Variants in IQSEC1 observed in about 807,000 individuals in gnomAD.
IQSEC1 encodes the protein IQ motif and Sec7 domain ArfGEF 1.
Under a neutral mutation model 91.0 loss-of-function variants are expected in IQSEC1, and 31 were observed. The observed-to-expected ratio is 0.34, with a 90% CI of 0.26 to 0.46. IQSEC1 has a LOEUF of 0.46. Among genes scored for constraint, IQSEC1 ranks in the 20% least tolerant of loss-of-function variants. The pLI is 1.00. For missense variants in IQSEC1, 1,388 were observed against 1,575.6 expected, an observed-to-expected ratio of 0.88 and a Z score of 2.02; for synonymous variants, 699 against 662.6, an observed-to-expected ratio of 1.05 and a Z score of -0.84.
intron 1 of IQSEC1, among the ~76,000 whole-genome samples, chr3:13,182,018 G>A (rs1693852204): frequency 1.3e-5 from 2 of 152,220 alleles, no homozygotes; most frequent in Admixed American, 6.5e-5. Context: ...TTTAGTGAAT[G>A]TATTTCTCTC....
At chr3:13,146,570 T>G (rs1339711697) in intron 2 of IQSEC1, among the ~76,000 whole-genome samples, 2 of 152,198 alleles carry the variant, frequency 1.3e-5, no homozygotes, top group Non-Finnish European at 2.9e-5. Context: ...CAGGGCGCAG[T>G]GGCTCATGCC....
At position 12,897,445 on chromosome 3, in the gene IQSEC1, C is replaced by T. The variant is rs1055997782; in HGVS notation, c.*3538G>A. 1.3e-5 allele frequency: 2 copies of T among 152,158 alleles called. No homozygotes were observed. Among genetic ancestry groups the T allele is most frequent in the East Asian group, 1.9e-4 (1 of 5,204 alleles). 9.4% of individuals were successfully genotyped at this position (152,158 alleles called of 1,614,324 possible). ...CTGATTCTAATTGCTTAAAACAACT[C>T]GGAGGCAAAAGATATTTTCCAAGAG... On this transcript the variant is annotated 3_prime_UTR_variant, in exon 14 of 14. Transcript: ENST00000613206.
At chr3:13,119,698 G>A (rs1362032841) in intron 2 of IQSEC1, among the ~76,000 whole-genome samples, 1 of 152,254 alleles carries the variant, frequency 6.6e-6, no homozygotes, top group African/African-American at 2.4e-5. Context: ...AAGGCAGCCT[G>A]GCTGCACGTG....
chr3:13,091,149 GA>G (rs1705853943), intron 2 of IQSEC1, among the ~76,000 whole-genome samples: 2 of 152,112 alleles, frequency 1.3e-5, no homozygotes, highest in African/African-American at 4.8e-5. Flanking sequence ...CTCTCTCAGG[GA>G]GGGCTCCTGC....
At chr3:12,962,815 G>A (rs750146458) in intron 1 of IQSEC1, among the ~76,000 whole-genome samples, 3 of 152,204 alleles carry the variant, frequency 2.0e-5, no homozygotes, top group Admixed American at 6.5e-5. Flanking sequence ...TGGGTTCTGT[G>A]GGGAAAGAGA....
intron 1 of IQSEC1, among the ~76,000 whole-genome samples, chr3:13,169,264 C>T (rs1335884400): frequency 6.6e-6 from 1 of 152,210 alleles, no homozygotes; most frequent in African/African-American, 2.4e-5. Flanking sequence ...CCTGCACAAG[C>T]TCTGTCTTTG....
chr3:12,900,118 A>ATAAC lies in IQSEC1; in HGVS notation c.*861_*864dup. ...CAGTTTAGCTATTTGCTTACCTGAA[A>ATAAC]TAACAGCATTATAATACTATTTATG... On this transcript the variant is annotated 3_prime_UTR_variant, in exon 14 of 14. Coordinates refer to ENST00000613206, the MANE Select transcript of IQSEC1 (RefSeq NM_001134382.3). 1 of 976,132 alleles carries ATAAC rather than the reference A, an allele frequency of 1.0e-6. No homozygotes were observed. The highest frequency in any genetic ancestry group is 1.2e-6 in the Non-Finnish European group (1 of 821,526). 60.5% of individuals were successfully genotyped at this position (976,132 alleles called of 1,614,324 possible). A position where few individuals can be genotyped will look rare whatever the true frequency, so the allele number is the denominator to read the frequency against.
At chr3:13,202,772 A>G (rs1289609881) in intron 1 of IQSEC1, among the ~76,000 whole-genome samples, 1 of 152,202 alleles carries the variant, frequency 6.6e-6, no homozygotes. Flanking sequence ...GATGGTTACG[A>G]TGGTCAATTT....
chr3:12,980,566 C>T (rs903578399), intron 1 of IQSEC1, among the ~76,000 whole-genome samples: 18 of 152,230 alleles, frequency 1.2e-4, no homozygotes, highest in African/African-American at 4.3e-4. Context: ...AAACACACAA[C>T]AATTTGTTCA....
intron 1 of IQSEC1, among the ~76,000 whole-genome samples, chr3:13,247,423 T>C (rs898827024): frequency 1.3e-5 from 2 of 152,216 alleles, no homozygotes; most frequent in African/African-American, 4.8e-5. Flanking sequence ...CCTGGATGAA[T>C]GTTGCGGCTG....
chr3:13,268,642 A>C (rs796200288), intron 1 of IQSEC1, among the ~76,000 whole-genome samples: 2 of 152,368 alleles, frequency 1.3e-5, no homozygotes, highest in African/African-American at 4.8e-5. Flanking sequence ...GGAGGAAATT[A>C]AATAATAAGT....
At chr3:13,063,526 G>A (rs1705139280) in intron 1 of IQSEC1, among the ~76,000 whole-genome samples, 1 of 152,170 alleles carries the variant, frequency 6.6e-6, no homozygotes, top group Admixed American at 6.5e-5. Flanking sequence ...GGGCTGTTCT[G>A]CAAGCCCAGG....
At chr3:12,931,521 G>A (rs1697674865) in intron 3 of IQSEC1, among the ~76,000 whole-genome samples, 1 of 152,234 alleles carries the variant, frequency 6.6e-6, no homozygotes, top group Admixed American at 6.5e-5. Context: ...CTTGGTCCAG[G>A]CTCTGCACAG....
intron 1 of IQSEC1, among the ~76,000 whole-genome samples, chr3:13,235,941 C>T (rs773276697): frequency 2.0e-5 from 3 of 152,176 alleles, no homozygotes; most frequent in African/African-American, 4.8e-5. Context: ...GTTCTGGTCC[C>T]GTTCCTGGTC....
At chr3:13,101,945 T>A (rs1344743861) in intron 2 of IQSEC1, among the ~76,000 whole-genome samples, 1 of 79,966 alleles carries the variant, frequency 1.3e-5, no homozygotes, top group African/African-American at 4.8e-5. Context: ...CTTGCAGGGG[T>A]GGGAGGGAGG....
At chr3:13,197,341 G>A (rs993070884) in intron 1 of IQSEC1, among the ~76,000 whole-genome samples, 3 of 152,332 alleles carry the variant, frequency 2.0e-5, no homozygotes, top group Admixed American at 1.3e-4. Flanking sequence ...GGCCAGGGGC[G>A]CTGGAGGGTG....
chr3:13,268,000 A>G (rs1486378148), intron 1 of IQSEC1, among the ~76,000 whole-genome samples: 1 of 152,170 alleles, frequency 6.6e-6, no homozygotes, highest in Non-Finnish European at 1.5e-5. Flanking sequence ...CTCAGTCTGG[A>G]GCTTTCACAT....
intron 1 of IQSEC1, among the ~76,000 whole-genome samples, chr3:13,269,298 G>A (rs560087049): frequency 2.6e-5 from 4 of 152,332 alleles, no homozygotes; most frequent in Admixed American, 2.0e-4. Context: ...GACTGAGAAG[G>A]CAGCGCTCTC....
At chr3:13,231,344 A>G (rs1694836021) in intron 1 of IQSEC1, among the ~76,000 whole-genome samples, 1 of 152,224 alleles carries the variant, frequency 6.6e-6, no homozygotes, top group Admixed American at 6.5e-5. Flanking sequence ...CTACTATAAC[A>G]AGATGCTATA....
Sources: gnomAD v4.1 joint callset for allele counts (sites outside exome capture counted in the v4.1 genomes callset) on GRCh38, gnomAD v4.1.1 for gene constraint, MANE v1.5 for transcripts, NCBI Gene and HGNC (gene_info 2026-07-23, HGNC 2026-07-21) for gene names.